The following SYNE1 variants were observed in gnomAD, a reference collection of about 807,000 sequenced individuals.
The protein encoded by SYNE1 is nesprin-1.
A neutral mutation model predicts 1,111.0 loss-of-function variants in SYNE1; 616 were observed. That is an observed-to-expected ratio of 0.55 (90% CI 0.52 to 0.59). The LOEUF (loss-of-function observed/expected upper bound fraction) is 0.59. Among genes scored for constraint, SYNE1 ranks in the 20% least tolerant of loss-of-function variants. The pLI is 0.00. For synonymous variants in SYNE1, 3,855 were observed against 3,825.8 expected (o/e 1.01, Z -0.28); for missense variants, 10,006 against 10,417.0 (o/e 0.96, Z 1.72).
intron 130 of SYNE1, chr6:152,167,812 A>G: frequency 1.7e-6 from 1 of 605,656 alleles, no homozygotes; most frequent in Non-Finnish European, 3.3e-6. Flanking sequence ...CCTGTGTCTC[A>G]GCCTCTCTAC....
chr6:152,336,641 T>C lies in SYNE1; in HGVS notation c.12528+200A>G, dbSNP rs142101053. 3.3e-5 allele frequency: 22 copies of C among 675,104 alleles called. No individual in the cohort carries two copies. The African/African-American group carries it at 3.9e-4, about 12-fold the overall frequency. The allele number at this position is 675,104 out of a possible 1,614,324, so 41.8% of individuals were successfully genotyped here. ...GCATTAATGCTTGCTCGCCTCCCAC[T>C]GTGCGGCCAGGTTCCTAACAGGACA... On this transcript the variant is annotated intron_variant, in intron 76 of 145. Transcript: ENST00000367255.
rs528171674 is a variant in SYNE1, at chr6:152,277,722, T to C, written c.18573+367A>G. On this transcript the variant is annotated intron_variant, in intron 98 of 145. Coordinates refer to ENST00000367255, the MANE Select transcript of SYNE1 (RefSeq NM_182961.4). ...AGAAAAAAAGAGATAAAATTTTCTT[T>C]GACCCACTTCTCCTTATAGCTTATC... The C allele has an allele frequency of 9.9e-5, 24 of 241,418 alleles. No individual in the cohort carries two copies. In the South Asian group the frequency reaches 1.6e-3, roughly 16 times the overall value. 15.0% of individuals were successfully genotyped at this position (241,418 alleles called of 1,614,324 possible).
intron 66 of SYNE1, among the ~76,000 whole-genome samples, chr6:152,357,297 T>A (rs1464992851): frequency 6.6e-6 from 1 of 152,172 alleles, no homozygotes; most frequent in Non-Finnish European, 1.5e-5. Flanking sequence ...CCCCATTCTC[T>A]TGCCATTATA....
At position 152,396,878 on chromosome 6, in the gene SYNE1, T is replaced by C. The variant is rs1275117018; in HGVS notation, c.7453A>G (p.Ile2485Val). ...AHLSKQIVSS[I>V]QEQITKANEE... ...TTGGCCTTTGTGATTTGTTCTTGAA[T>C]GCTACTGACAATTTGTTTAGACAAA... Residue 2485 changes from isoleucine (I) to valine (V), a missense_variant, in exon 50 of 146, where the codon ATT becomes GTT. By Grantham distance (29) the Ile-to-Val change is conservative. Coordinates refer to ENST00000367255, the MANE Select transcript of SYNE1 (RefSeq NM_182961.4). The C allele has an allele frequency of 6.2e-7, 1 of 1,614,232 alleles. No homozygotes were observed. The highest frequency in any genetic ancestry group is 2.2e-5 in the East Asian group (1 of 44,884).
rs1449546698 is a variant in SYNE1 at position 152,387,285 on chromosome 6, A to T, written c.8274T>A (p.His2758Gln). The change falls in exon 54 of 146, where the codon CAT becomes CAA. Residue 2758 changes from histidine to glutamine, a missense_variant. By Grantham distance (24) the His-to-Gln change is conservative. Coordinates refer to ENST00000367255, the MANE Select transcript of SYNE1 (RefSeq NM_182961.4). Reference protein sequence around the residue: ...WMESVDQKIEHPLQPQPGLKE... With the variant: ...WMESVDQKIEQPLQPQPGLKE... ...TCAGACCTGGCTGTGGTTGTAAGGGATGTTCTATTTTTTGATCCACTGATT... is the reference window on the plus strand; with the variant it reads ...TCAGACCTGGCTGTGGTTGTAAGGGTTGTTCTATTTTTTGATCCACTGATT... The T allele has an allele frequency of 1.9e-6, 3 of 1,614,038 alleles. No homozygotes were observed. The highest frequency in any genetic ancestry group is 2.5e-6 in the Non-Finnish European group (3 of 1,180,024).
At chr6:152,624,157 T>C (rs2099681453) in intron 3 of SYNE1, among the ~76,000 whole-genome samples, 1 of 152,146 alleles carries the variant, frequency 6.6e-6, no homozygotes, top group Admixed American at 6.5e-5. Flanking sequence ...TCAAAATTTG[T>C]CCTTGCAGTG....
intron 3 of SYNE1, among the ~76,000 whole-genome samples, chr6:152,619,046 TCACA>T (rs56677340): frequency 6.6e-5 from 9 of 135,766 alleles, no homozygotes; most frequent in South Asian, 2.3e-4. Context: ...GGTGTGAGAA[TCACA>T]CACACACACA....
rs140850000 is a variant in SYNE1 at position 152,321,263 on chromosome 6, G to T, written c.16211C>A (p.Ala5404Glu). 6.2e-7 allele frequency: 1 copy of T among 1,613,648 alleles called. No homozygotes were observed. Among genetic ancestry groups the T allele is most frequent in the Non-Finnish European group, 8.5e-7 (1 of 1,179,846 alleles). ...SELSLQLAEV[A>E]LDLKIRDQIQ... ...CTGATCTCGGATCTTTAGATCTAAC[G>T]CCACTTCAGCCAACTGAAGGGAGAG... The change falls in exon 84 of 146, where the codon GCG (alanine) becomes GAG (glutamate). Residue 5404 changes from alanine (A) to glutamate (E), a missense_variant. Ala to Glu is a moderately radical substitution (Grantham distance 107). Around this residue, in one of 7 missense-constraint regions of SYNE1, gnomAD observed 4,955 missense variants for 5,017.2 expected, o/e 0.99. Coordinates refer to ENST00000367255, the MANE Select transcript of SYNE1 (RefSeq NM_182961.4).
chr6:152,531,954 T>C (rs1413294713), intron 4 of SYNE1, among the ~76,000 whole-genome samples: 1 of 152,238 alleles, frequency 6.6e-6, no homozygotes, highest in Non-Finnish European at 1.5e-5. Flanking sequence ...AATGCTACTA[T>C]GAGCGTGAGT....
intron 69 of SYNE1, 105 bp downstream of exon 69, chr6:152,353,158 C>T: frequency 6.9e-7 from 1 of 1,443,988 alleles, no homozygotes; most frequent in Non-Finnish European, 9.7e-7. Context: ...GATCACCAAT[C>T]ATAATGGTTG....
intron 50 of SYNE1, 81 bp from the exon 51 acceptor site, chr6:152,395,752 CTT>C (rs1180788914): frequency 2.0e-6 from 3 of 1,491,576 alleles, no homozygotes; most frequent in Non-Finnish European, 2.8e-6. Context: ...GTCACAATGT[CTT>C]TTAAATGGCA....
At chr6:152,159,467 A>G (rs1563107496) in intron 131 of SYNE1, among the ~76,000 whole-genome samples, 1 of 152,114 alleles carries the variant, frequency 6.6e-6, no homozygotes, top group Admixed American at 6.5e-5. Context: ...AAAAAGCTAT[A>G]TGTGCATATT....
At chr6:152,132,331 A>G in intron 143 of SYNE1, 117 bp from the exon 144 acceptor site, 1 of 899,310 alleles carries the variant, frequency 1.1e-6, no homozygotes, top group Non-Finnish European at 1.8e-6. Context: ...CACCATAAAA[A>G]TCAAACCATT....
At chr6:152,169,778 T>A (rs1456602528) in intron 130 of SYNE1, among the ~76,000 whole-genome samples, 1 of 150,834 alleles carries the variant, frequency 6.6e-6, no homozygotes, top group Admixed American at 6.6e-5. Flanking sequence ...ACAGCCTGGG[T>A]GACAGCGCAA....
chr6:152,252,394 A>AC (rs1306331868), intron 104 of SYNE1, among the ~76,000 whole-genome samples: 2 of 152,224 alleles, frequency 1.3e-5, no homozygotes, highest in Non-Finnish European at 2.9e-5. Context: ...AATTTACAAT[A>AC]CACAATTATA....
chr6:152,538,048 CT>C (rs1431375203), intron 4 of SYNE1, among the ~76,000 whole-genome samples: 1 of 152,182 alleles, frequency 6.6e-6, no homozygotes, highest in Admixed American at 6.5e-5. Context: ...AAGCTCATCA[CT>C]GCCATTATTC....
At chr6:152,338,542 G>A (rs111323539) in intron 75 of SYNE1, among the ~76,000 whole-genome samples, 1 of 152,286 alleles carries the variant, frequency 6.6e-6, no homozygotes, top group African/African-American at 2.4e-5. Context: ...GATCACCTGA[G>A]CCCAGGAGGT....
chr6:152,254,883 G>A lies in SYNE1; in HGVS notation c.19467C>T (p.Phe6489=), dbSNP rs919585920. ...MKERLQQILN[F]QNDLKVLFTS... ...CCTTTGATAATATCTTACTTACCTG[G>A]AAATTTAGTATTTGCTGAAGTCTTT... is the stretch of plus-strand genomic sequence containing the variant. Residue 6489 remains phenylalanine (F), a synonymous_variant, in exon 104 of 146, where the codon TTC becomes TTT. Transcript: ENST00000367255. The A allele has an allele frequency of 2.5e-6, 4 of 1,613,066 alleles. No individual in the cohort carries two copies. The South Asian group carries it at 3.3e-5, about 13-fold the overall frequency.
chr6:152,135,320 A>C (rs760833496), intron 141 of SYNE1, 88 bp from the exon 142 acceptor site: 127 of 1,464,164 alleles, frequency 8.7e-5, no homozygotes, highest in Non-Finnish European at 1.1e-4. Flanking sequence ...CCATTAGCAA[A>C]CATACTTGGT....
Sources: gnomAD v4.1 joint callset for allele counts (sites outside exome capture counted in the v4.1 genomes callset) on GRCh38, gnomAD v4.1.1 for gene constraint, gnomAD v4.1.1 regional missense constraint, MANE v1.5 for transcripts, NCBI Gene and HGNC (gene_info 2026-07-23, HGNC 2026-07-21) for gene names.